MAP3K11: variants seen among roughly 807,000 people sequenced by gnomAD.
MAP3K11 encodes the protein SH3 domain-containing proline-rich kinase.
Under a neutral mutation model 84.9 loss-of-function variants are expected in MAP3K11, and 46 were observed. The observed-to-expected ratio is 0.54, with a 90% CI of 0.43 to 0.69. The LOEUF (loss-of-function observed/expected upper bound fraction) is 0.69. Ranked by LOEUF, MAP3K11 falls within the 30% of genes least tolerant of loss-of-function variation. MAP3K11 has a pLI of 0.00. For missense variants in MAP3K11, 1,053 were observed against 1,198.3 expected (o/e 0.88, Z 1.79); for synonymous variants, 527 against 514.7 (o/e 1.02, Z -0.32).
Position 65,598,306 on chromosome 11 carries a change from C to A in MAP3K11, c.2529G>T (p.Pro843=), listed in dbSNP as rs766131413. 1.0e-5 allele frequency: 15 copies of A among 1,471,712 alleles called. No homozygotes were observed. The highest frequency in any genetic ancestry group is 1.4e-5 in the Non-Finnish European group (15 of 1,110,326). The allele number at this position is 1,471,712 out of a possible 1,614,324, so 91.2% of individuals were successfully genotyped here. A position where few individuals can be genotyped will look rare whatever the true frequency, so the allele number is the denominator to read the frequency against. The change falls in exon 10 of 10, where the codon CCG becomes CCT. Residue 843 remains proline (P), a synonymous_variant. Transcript: ENST00000309100. ...KDMGAQAPWV[P]EAGP The stretch of plus-strand genomic sequence containing the variant: ...CCTGGCCCACTCAAGGCCCCGCTTC[C>A]GGCACCCACGGGGCCTGGGCACCCA...
intron 8 of MAP3K11, among the ~76,000 whole-genome samples, chr11:65,602,585 G>A (rs1247156215): frequency 6.6e-6 from 1 of 151,662 alleles, no homozygotes; most frequent in Non-Finnish European, 1.5e-5. Context: ...GGTGGAGGTT[G>A]TAGTGAGCCG....
intron 8 of MAP3K11, among the ~76,000 whole-genome samples, chr11:65,601,856 G>A (rs1854459561): frequency 6.6e-6 from 1 of 151,644 alleles, no homozygotes. Flanking sequence ...CGCAGGTGAA[G>A]AACTGATCAT....
rs1391739978 is a variant in MAP3K11 at position 65,599,656 on chromosome 11, G to A, written c.1944C>T (p.Gly648=). 3.2e-6 allele frequency: 5 copies of A among 1,549,412 alleles called. No homozygotes were observed. The East Asian group carries it at 1.2e-4, about 37-fold the overall frequency. ...PKLIQRALLR[G]TALLASLGLG... is the part of the protein sequence containing the mutation. ...GGCCCAGCGAGGCGAGCAGGGCGGT[G>A]CCGCGCAGCAGCGCCCGCTGGATCA... Residue 648 remains glycine (G), a synonymous_variant, in exon 9 of 10, where the codon GGC becomes GGT. Transcript: ENST00000309100.
At chr11:65,601,028 AGACAG>A (rs1454459510) in intron 8 of MAP3K11, among the ~76,000 whole-genome samples, 5 of 152,234 alleles carry the variant, frequency 3.3e-5, no homozygotes, top group Admixed American at 1.3e-4. Context: ...AACCTGTTAA[AGACAG>A]GTCTCTGCTT....
chr11:65,599,765 T>C lies in MAP3K11; in HGVS notation c.1835A>G (p.Asn612Ser). The C allele has an allele frequency of 6.3e-7, 1 of 1,593,128 alleles. No homozygotes were observed. The highest frequency in any genetic ancestry group is 8.5e-7 in the Non-Finnish European group (1 of 1,177,628). The change falls in exon 9 of 10, where the codon AAC becomes AGC. Residue 612 changes from asparagine (N) to serine (S), a missense_variant. By Grantham distance (46) the Asn-to-Ser change is conservative (BLOSUM62 1). Coordinates refer to ENST00000309100, the MANE Select transcript of MAP3K11 (RefSeq NM_002419.4). ...GGGCTCCAGGCTAGGCCGCGGGGGGTTACCTGCGGGCAGAGGCGGCACAGG... is the reference window on the plus strand; with the variant it reads ...GGGCTCCAGGCTAGGCCGCGGGGGGCTACCTGCGGGCAGAGGCGGCACAGG... The part of the protein sequence containing the change: ...SPSTPPALNG[N>S]PPRPSLEPEE...
Position 65,598,648 on chromosome 11 carries a change from G to A in MAP3K11, c.2207-20C>T. On this transcript the variant is annotated intron_variant, in intron 9 of 9. Transcript: ENST00000309100. ...TGCCTCCTGTGAGGATATAGGAGGG[G>A]CACAGGGTCAAGCAACCCCCAACTG... 2 of 1,455,504 alleles carry A rather than the reference G, an allele frequency of 1.4e-6. No homozygotes were observed. The highest frequency in any genetic ancestry group is 1.8e-6 in the Non-Finnish European group (2 of 1,093,934). The allele number at this position is 1,455,504 out of a possible 1,614,324, so 90.2% of individuals were successfully genotyped here. A position where few individuals can be genotyped will look rare whatever the true frequency, so the allele number is the denominator to read the frequency against.
Position 65,598,592 on chromosome 11 carries a change from G to C in MAP3K11, c.2243C>G (p.Ser748Cys), listed in dbSNP as rs372545474. The change falls in exon 10 of 10, where the codon TCT (serine) becomes TGT (cysteine). Residue 748 changes from serine to cysteine, a missense_variant. By Grantham distance (112) the Ser-to-Cys change is moderately radical. Coordinates refer to ENST00000309100, the MANE Select transcript of MAP3K11 (RefSeq NM_002419.4). ...TVSPPPGTSR[S>C]APGTPGTPRS... The stretch of plus-strand genomic sequence containing the variant: ...TGGGGTGCCTGGGGTGCCAGGAGCA[G>C]AGCGTGATGTCCCCGGTGGGGGTGA... 6.6e-5 allele frequency: 104 copies of C among 1,578,924 alleles called. No individual in the cohort carries two copies. The highest frequency in any genetic ancestry group is 8.4e-5 in the Non-Finnish European group (98 of 1,161,398).
In MAP3K11 at chr11:65,613,157, G is replaced by A; in HGVS notation, c.600C>T (p.Pro200=). The A allele has an allele frequency of 6.3e-7, 1 of 1,591,968 alleles. No individual in the cohort carries two copies. The highest frequency in any genetic ancestry group is 8.6e-7 in the Non-Finnish European group (1 of 1,168,676). ...GCCGCCCGGCCAGAGCTCGGCTGAG[G>A]GGCCCACCGGCTGCATACTCCATCA... ...CLVMEYAAGG[P]LSRALAGRRV... The change falls in exon 1 of 10, where the codon CCC becomes CCT. Residue 200 remains proline (P), a synonymous_variant. Coordinates refer to ENST00000309100, the MANE Select transcript of MAP3K11 (RefSeq NM_002419.4).
chr11:65,599,275 G>A (rs1196625059), intron 9 of MAP3K11, 119 bp downstream of exon 9: 1 of 1,245,256 alleles, frequency 8.0e-7, no homozygotes, highest in Non-Finnish European at 1.1e-6. Flanking sequence ...CCTGGTTCAG[G>A]GTCCAGCTGA....
In MAP3K11 at chr11:65,598,327, A is replaced by C. The variant is rs1408017660; in HGVS notation, c.2508T>G (p.Gly836=). 3 of 1,485,400 alleles carry C rather than the reference A, an allele frequency of 2.0e-6. No individual in the cohort carries two copies. The highest frequency in any genetic ancestry group is 2.7e-6 in the Non-Finnish European group (3 of 1,116,430). The allele number at this position is 1,485,400 out of a possible 1,614,324, so 92.0% of individuals were successfully genotyped here. Residue 836 remains glycine, a synonymous_variant, in exon 10 of 10, where the codon GGT becomes GGG. Coordinates refer to ENST00000309100, the MANE Select transcript of MAP3K11 (RefSeq NM_002419.4). The part of the protein sequence containing the change: ...QDCRAQTKDM[G]AQAPWVPEAG... ...CTTCCGGCACCCACGGGGCCTGGGC[A>C]CCCATGTCTTTGGTCTGTGCCCTGC...
At chr11:65,599,851 C>G in intron 8 of MAP3K11, 83 bp from the exon 9 acceptor site, 8 of 1,470,934 alleles carry the variant, frequency 5.4e-6, no homozygotes, top group Non-Finnish European at 7.3e-6. Flanking sequence ...GGTCTTGGAA[C>G]AAGGACTGAG....
intron 6 of MAP3K11, 84 bp from the exon 7 acceptor site, chr11:65,606,165 T>C (rs1854505715): frequency 1.4e-6 from 2 of 1,421,852 alleles, no homozygotes; most frequent in East Asian, 2.5e-5. Flanking sequence ...AACTTTAGAG[T>C]ATGGGGAGCA....
chr11:65,599,514 T>C lies in MAP3K11; in HGVS notation c.2086A>G (p.Ile696Val), dbSNP rs11227236. 1.5e-5 allele frequency: 22 copies of C among 1,491,262 alleles called. No homozygotes were observed. In the East Asian group the frequency reaches 5.6e-4, roughly 38 times the overall value. 92.4% of individuals were successfully genotyped at this position (1,491,262 alleles called of 1,614,324 possible). A position where few individuals can be genotyped will look rare whatever the true frequency, so the allele number is the denominator to read the frequency against. ...TCGGGCGTCTTGAGCGAGAAGCAGATGAGCGGGGAAGGGGGCGGCTCGGTC... is the reference window on the plus strand; with the variant it reads ...TCGGGCGTCTTGAGCGAGAAGCAGACGAGCGGGGAAGGGGGCGGCTCGGTC... Reference protein sequence around the residue: ...CPTEPPPSPLICFSLKTPDSP... With the variant: ...CPTEPPPSPLVCFSLKTPDSP... The change falls in exon 9 of 10, where the codon ATC (isoleucine) becomes GTC (valine). Residue 696 changes from isoleucine (I) to valine (V), a missense_variant. Around this residue, in one of 3 missense-constraint regions of MAP3K11, gnomAD observed 583 missense variants for 566.6 expected, o/e 1.03. Transcript: ENST00000309100.
At chr11:65,607,125 C>T (rs1250577337) in intron 5 of MAP3K11, 145 bp downstream of exon 5, 3 of 1,168,366 alleles carry the variant, frequency 2.6e-6, no homozygotes, top group Non-Finnish European at 3.4e-6. Flanking sequence ...AAAAAAAACA[C>T]TCCTGGCTCC....
At chr11:65,606,302 T>C (rs1854507189) in intron 6 of MAP3K11, 2 of 494,666 alleles carry the variant, frequency 4.0e-6, no homozygotes, top group Admixed American at 8.2e-5. Flanking sequence ...TAGTAATTAG[T>C]ACAGACACTG....
Position 65,599,720 on chromosome 11 carries a change from A to C in MAP3K11, c.1880T>G (p.Val627Gly). Residue 627 changes from valine (V) to glycine (G), a missense_variant, in exon 9 of 10, where the codon GTC becomes GGC. Physicochemically the swap from Val to Gly is moderately radical, Grantham distance 109. This residue lies in a region of MAP3K11 where 583 missense variants were observed against 566.6 expected (regional missense o/e 1.03). Transcript: ENST00000309100. ...AGAGCTGCTACCGCGCTCTGCGGGG[A>C]CAGGCCTCTTGGGCTCCTCGGGCTC... Reference protein sequence around the residue: ...SLEPEEPKRPVPAERGSSSGT... With the variant: ...SLEPEEPKRPGPAERGSSSGT... The C allele has an allele frequency of 1.9e-6, 3 of 1,587,506 alleles. No homozygotes were observed. The highest frequency in any genetic ancestry group is 2.6e-6 in the Non-Finnish European group (3 of 1,174,556).
chr11:65,607,694 C>T lies in MAP3K11; in HGVS notation c.1192G>A (p.Gly398Ser). Reference sequence around the variant, plus strand: ...AGACCCTGGATCTCGCGCTTCCAGCCTTCCTGCATGGAATGGAAGGAGTCC... The same window carrying T: ...AGACCCTGGATCTCGCGCTTCCAGCTTTCCTGCATGGAATGGAAGGAGTCC... Reference protein sequence around the residue: ...PRDSFHSMQEGWKREIQGLFD... With the variant: ...PRDSFHSMQESWKREIQGLFD... The change falls in exon 4 of 10, where the codon GGC becomes AGC. Residue 398 changes from glycine (G) to serine (S), a missense_variant. By Grantham distance (56) the Gly-to-Ser change is moderately conservative. This residue lies in a region of MAP3K11 where 310 missense variants were observed against 464.5 expected (regional missense o/e 0.67). Coordinates refer to ENST00000309100, the MANE Select transcript of MAP3K11 (RefSeq NM_002419.4). 1.2e-6 allele frequency: 2 copies of T among 1,613,718 alleles called. No individual in the cohort carries two copies. The highest frequency in any genetic ancestry group is 1.1e-5 in the South Asian group (1 of 91,086).
In MAP3K11 at chr11:65,606,004, G is replaced by A. The variant is rs778997363; in HGVS notation, c.1681C>T (p.Arg561Ter). 7 of 1,601,968 alleles carry A rather than the reference G, an allele frequency of 4.4e-6. No homozygotes were observed. The highest frequency in any genetic ancestry group is 1.4e-5 in the African/African-American group (1 of 74,046). The change falls in exon 7 of 10, where the codon CGA becomes TGA. Residue 561 changes from arginine (R) to a stop codon, truncating the protein, a stop_gained. Transcript: ENST00000309100. LOFTEE classifies it high-confidence loss of function. ...CTGGGACCCCAAGCCCAGCATGCTC[G>A]CCGCTCTCCATTGCTTGAGTCCTCC... ...RLEDSSNGERRACWAWGPSSP... is the reference protein window; with the variant it reads ...RLEDSSNGER
chr11:65,599,305 G>C (rs1854421433), intron 9 of MAP3K11, 89 bp downstream of exon 9: 3 of 1,417,368 alleles, frequency 2.1e-6, no homozygotes, highest in Non-Finnish European at 2.8e-6. Context: ...TCTCGGCCTT[G>C]CCTCCTTGCA....
Sources: allele counts gnomAD v4.1 joint callset (sites outside exome capture counted in the v4.1 genomes callset), GRCh38; gene constraint gnomAD v4.1.1; regional missense constraint gnomAD v4.1.1; transcripts MANE v1.5; gene names NCBI Gene and HGNC (gene_info 2026-07-23, HGNC 2026-07-21).